Variants in CDCP2 observed in about 807,000 individuals in gnomAD.
CDCP2 encodes CUB domain containing protein 2.
CDCP2 carries 31 observed loss-of-function variants against 31.0 expected under a neutral mutation model. The ratio of observed to expected loss-of-function variants is 1.00; its 90% CI spans 0.75 to 1.35. The LOEUF (loss-of-function observed/expected upper bound fraction) is 1.35, where lower values mean the gene tolerates loss of function less well. Ranked by LOEUF, CDCP2 falls within the 40% of genes most tolerant of loss-of-function variation. The probability of loss-of-function intolerance (pLI) is 0.00; values close to 1 mark genes in which losing one functional copy is unlikely to be tolerated. For synonymous variants in CDCP2, 206 were observed against 207.9 expected (o/e 0.99, Z 0.08); for missense variants, 443 against 482.6 (o/e 0.92, Z 0.77).
chr1:54,150,313 G>T (rs549940438), intron 1 of CDCP2, among the ~76,000 whole-genome samples: 114 of 152,130 alleles, frequency 7.5e-4, no homozygotes, highest in Admixed American at 1.8e-3. Context: ...AATTATTAAC[G>T]GCCAGGCGTG....
exon 3 of CDCP2, chr1:54,141,218 G>A (rs534832062): frequency 6.2e-7 from 1 of 1,612,992 alleles, no homozygotes; most frequent in African/African-American, 1.3e-5. Flanking sequence ...CAGTAGTGGT[G>A]CCCACGGGTG....
chr1:54,150,733 G>A (rs749050263), intron 1 of CDCP2, among the ~76,000 whole-genome samples: 14 of 152,178 alleles, frequency 9.2e-5, no homozygotes, highest in East Asian at 1.9e-4. Flanking sequence ...AGCCCAGCTC[G>A]GCTACCTCCT....
At chr1:54,141,429 C>A (rs780955429) in exon 3 of CDCP2, 1 of 1,602,078 alleles carries the variant, frequency 6.2e-7, no homozygotes, top group Non-Finnish European at 8.5e-7. Flanking sequence ...CGCCGCCACA[C>A]ACATCTGCAA....
intron 3 of CDCP2, chr1:54,140,701 G>C (rs1188806172): frequency 1.1e-5 from 2 of 185,864 alleles, no homozygotes; most frequent in Non-Finnish European, 2.2e-5. Flanking sequence ...TCTCTAACTA[G>C]ACTGTAAAGT....
intron 1 of CDCP2, among the ~76,000 whole-genome samples, chr1:54,147,906 G>C (rs1055999044): frequency 9.2e-5 from 14 of 151,550 alleles, no homozygotes; most frequent in African/African-American, 3.4e-4. Flanking sequence ...CAGCTGCTTG[G>C]GAGGCTGAGG....
At chr1:54,136,922 A>G in intron 4 of CDCP2, 114 bp from the exon 5 acceptor site, 1 of 398,198 alleles carries the variant, frequency 2.5e-6, no homozygotes, top group Non-Finnish European at 4.4e-6. Flanking sequence ...TGAGGCCCAG[A>G]GTAGGAAAAG....
intron 4 of CDCP2, chr1:54,139,322 C>G (rs554365702): frequency 1.7e-6 from 1 of 576,922 alleles, no homozygotes; most frequent in Admixed American, 3.4e-5. Flanking sequence ...AAAACAAGCA[C>G]CATGTTTTCA....
chr1:54,135,683 G>A (rs374903670), intron 5 of CDCP2, among the ~76,000 whole-genome samples: 1 of 152,150 alleles, frequency 6.6e-6, no homozygotes, highest in Non-Finnish European at 1.5e-5. Context: ...GGAATAGGGG[G>A]AGGGCAGAAT....
chr1:54,139,523 G>C, intron 4 of CDCP2: 1 of 1,612,816 alleles, frequency 6.2e-7, no homozygotes, highest in Non-Finnish European at 8.5e-7. Context: ...CACGAAGTTA[G>C]AAGCTGGGGA....
chr1:54,140,446 G>T (rs1044237325), intron 3 of CDCP2: 14 of 385,730 alleles, frequency 3.6e-5, no homozygotes, highest in African/African-American at 2.1e-4. Context: ...AGATGATGTG[G>T]TTCATGCCTG....
At position 54,145,286 on chromosome 1, in the gene CDCP2, C is replaced by T. The variant is rs185296194; in HGVS notation, c.80-473G>A. ...ACTAAAAATACAAAAATTAGCCAGG[C>T]GTGGTGGTGCGCGCCTGTAGTCCCA... On this transcript the variant is annotated intron_variant, in intron 1 of 5. Transcript: ENST00000530059. Among the ~76,000 whole-genome samples, 5 of 152,142 alleles carry T rather than the reference C, an allele frequency of 3.3e-5. No homozygotes were observed. The East Asian group carries it at 5.8e-4, about 18-fold the overall frequency.
intron 2 of CDCP2, 65 bp from the exon 3 acceptor site, chr1:54,141,498 G>C: frequency 7.1e-7 from 1 of 1,404,790 alleles, no homozygotes. Flanking sequence ...CCTCCCTTGG[G>C]AACAAGACAC....
intron 1 of CDCP2, among the ~76,000 whole-genome samples, chr1:54,147,338 A>T (rs1021434329): frequency 3.3e-5 from 5 of 151,802 alleles, no homozygotes; most frequent in Admixed American, 3.3e-4. Context: ...TTTAACATCT[A>T]CTTGGCCTTT....
intron 2 of CDCP2, 35 bp from the exon 3 acceptor site, chr1:54,141,468 C>T: frequency 6.5e-7 from 1 of 1,536,972 alleles, no homozygotes; most frequent in Non-Finnish European, 8.8e-7. Context: ...ACCTTTCTTT[C>T]TCCTTGTGGC....
At chr1:54,140,454 C>G (rs183304415) in intron 3 of CDCP2, 13 of 377,224 alleles carry the variant, frequency 3.4e-5, no homozygotes, top group South Asian at 3.0e-4. Flanking sequence ...TGGTTCATGC[C>G]TGGCCTTTCC....
chr1:54,140,477 G>C (rs1242936030), intron 3 of CDCP2: 12 of 350,892 alleles, frequency 3.4e-5, no homozygotes, highest in Non-Finnish European at 6.0e-5. Flanking sequence ...TTTTCTCACT[G>C]CCCCATTTGG....
chr1:54,135,047 C>T (rs1659236598), intron 5 of CDCP2, among the ~76,000 whole-genome samples: 1 of 152,154 alleles, frequency 6.6e-6, no homozygotes, highest in Admixed American at 6.5e-5. Context: ...CTGCTCCCAT[C>T]TGAGAACTTG....
intron 4 of CDCP2, 105 bp downstream of exon 4, chr1:54,139,648 G>GGC (rs539618974): frequency 6.3e-5 from 102 of 1,613,508 alleles, no homozygotes; most frequent in South Asian, 1.3e-4. Flanking sequence ...CCATTCATGG[G>GGC]GGGGGCAGGA....
At position 54,149,670 on chromosome 1, in the gene CDCP2, G is replaced by A. The variant is rs147884821; in HGVS notation, c.79+3174C>T. On this transcript the variant is annotated intron_variant, in intron 1 of 5. Transcript: ENST00000530059. ...TATGCTTCTCCATAGAATTCGTCAC[G>A]ATCTAACATGCTATTTATTTTACTT... 9.2e-5 allele frequency among the ~76,000 whole-genome samples: 14 copies of A among 152,172 alleles called. 1 individual carries two copies. In the Middle Eastern group the frequency reaches 0.014, roughly 148 times the overall value.
Sources: allele counts gnomAD v4.1 joint callset (sites outside exome capture counted in the v4.1 genomes callset), GRCh38; gene constraint gnomAD v4.1.1; transcripts MANE v1.5; gene names NCBI Gene and HGNC (gene_info 2026-07-23, HGNC 2026-07-21).